SLC36A3: variants seen among roughly 807,000 people sequenced by gnomAD.
SLC36A3 encodes the protein solute carrier family 36 member 3.
SLC36A3 carries 35 observed loss-of-function variants against 44.3 expected under a neutral mutation model. The observed-to-expected ratio is 0.79, with a 90% CI of 0.60 to 1.05. The LOEUF (loss-of-function observed/expected upper bound fraction) is 1.05. Among genes scored for constraint, SLC36A3 ranks in the 50% least tolerant of loss-of-function variants. The pLI, the probability that SLC36A3 is intolerant of heterozygous loss-of-function variation, is 0.00. For missense variants in SLC36A3, 540 were observed against 578.7 expected, an observed-to-expected ratio of 0.93 and a Z score of 0.69; for synonymous variants, 211 against 227.6, an observed-to-expected ratio of 0.93 and a Z score of 0.66.
Position 151,277,677 on chromosome 5 carries a change from A to T in SLC36A3, c.1145-16T>A. 1.2e-6 allele frequency: 2 copies of T among 1,611,076 alleles called. No individual in the cohort carries two copies. The highest frequency in any genetic ancestry group is 1.7e-6 in the Non-Finnish European group (2 of 1,178,488). ...GCTGAGACACCTGCAATGAAAGGAG[A>T]TATTTAGAATCACTGAATGTGCTCA... On this transcript the variant is annotated splice_polypyrimidine_tract_variant and intron_variant, in intron 9 of 9. Coordinates refer to ENST00000335230, the MANE Select transcript of SLC36A3 (RefSeq NM_181774.4).
At chr5:151,297,518 A>G (rs1166713302) in intron 2 of SLC36A3, 2 of 152,198 alleles carry the variant, frequency 1.3e-5, no homozygotes, top group South Asian at 2.1e-4. Flanking sequence ...ATGGAATTAT[A>G]TATTTGGTAT....
intron 1 of SLC36A3, among the ~76,000 whole-genome samples, chr5:151,302,374 A>T (rs2127275604): frequency 6.6e-6 from 1 of 152,344 alleles, no homozygotes; most frequent in African/African-American, 2.4e-5. Flanking sequence ...AGTGTGATTG[A>T]CAGTAAGTCC....
At position 151,298,556 on chromosome 5, in the gene SLC36A3, G is replaced by T. The variant is rs376204421; in HGVS notation, c.219+37C>A. On this transcript the variant is annotated intron_variant, in intron 2 of 9. Coordinates refer to ENST00000335230, the MANE Select transcript of SLC36A3 (RefSeq NM_181774.4). The stretch of plus-strand genomic sequence containing the variant: ...GGACCTATCACCCCCTTCTGCAAAT[G>T]AGCAAACCTAGTTCCCATCCCACAG... 15 of 1,606,154 alleles carry T rather than the reference G, an allele frequency of 9.3e-6. No individual in the cohort carries two copies. In the African/African-American group the frequency reaches 1.9e-4, roughly 20 times the overall value.
chr5:151,294,916 A>C (rs767083692), intron 3 of SLC36A3, among the ~76,000 whole-genome samples: 3 of 152,180 alleles, frequency 2.0e-5, no homozygotes, highest in Non-Finnish European at 4.4e-5. Context: ...GGTGTGAGCC[A>C]CTGCACCCGG....
chr5:151,283,548 CTCA>C (rs1754408121), intron 8 of SLC36A3, among the ~76,000 whole-genome samples: 1 of 152,176 alleles, frequency 6.6e-6, no homozygotes, highest in Non-Finnish European at 1.5e-5. Context: ...CATTTATTGT[CTCA>C]TCTAGTCATT....
chr5:151,298,356 T>G (rs1580825613), intron 2 of SLC36A3: 1 of 474,490 alleles, frequency 2.1e-6, no homozygotes, highest in East Asian at 3.5e-5. Context: ...CGGGGAGAAT[T>G]GTGGCAAAGT....
At chr5:151,294,057 C>T (rs1754862040) in intron 3 of SLC36A3, among the ~76,000 whole-genome samples, 1 of 152,216 alleles carries the variant, frequency 6.6e-6, no homozygotes, top group Non-Finnish European at 1.5e-5. Flanking sequence ...GGAAGCACGG[C>T]ATAAATTGCA....
In SLC36A3 at chr5:151,284,148, C is replaced by A. The variant is rs771039061; in HGVS notation, c.870G>T (p.Gly290=). The stretch of plus-strand genomic sequence containing the variant: ...TATAGAGGATGATGACAATGGACAT[C>A]CCCAAGTACAGAACAAAAGAAAACT... The part of the protein sequence containing the change: ...PQQFSFVLYL[G]MSIVIILYIL... Residue 290 remains glycine, a synonymous_variant, in exon 8 of 10, where the codon GGG becomes GGT. Transcript: ENST00000335230. 1.9e-6 allele frequency: 3 copies of A among 1,613,930 alleles called. No homozygotes were observed. The highest frequency in any genetic ancestry group is 1.7e-5 in the Admixed American group (1 of 59,982).
At chr5:151,299,262 CTCTATATATATATATA>C (rs1174537530) in intron 1 of SLC36A3, among the ~76,000 whole-genome samples, 1,407 of 64,418 alleles carry the variant, frequency 0.022, 15 homozygotes, top group Non-Finnish European at 0.028. Context: ...CTCTCTCTCT[CTCTATATATATATATA>C]TATATATATA....
intron 1 of SLC36A3, 59 bp from the exon 2 acceptor site, chr5:151,298,742 G>C: frequency 1.3e-6 from 2 of 1,567,888 alleles, no homozygotes; most frequent in Middle Eastern, 3.4e-4. Flanking sequence ...AGCATGGCCA[G>C]AAACTCAGCC....
chr5:151,286,367 A>G (rs944067290), intron 6 of SLC36A3, among the ~76,000 whole-genome samples: 12 of 152,190 alleles, frequency 7.9e-5, no homozygotes, highest in African/African-American at 2.7e-4. Flanking sequence ...ATCATAGCTT[A>G]CTGTAGCCTT....
At chr5:151,293,291 C>A in intron 4 of SLC36A3, 73 bp downstream of exon 4, 3 of 1,295,114 alleles carry the variant, frequency 2.3e-6, no homozygotes, top group South Asian at 1.4e-5. Flanking sequence ...CATTTAAAAC[C>A]TGTGTAAGTA....
intron 1 of SLC36A3, among the ~76,000 whole-genome samples, chr5:151,302,857 G>A (rs1056899720): frequency 2.0e-5 from 3 of 151,924 alleles, no homozygotes; most frequent in Non-Finnish European, 4.4e-5. Context: ...GGCATGGGGG[G>A]TTGGGGAGAA....
rs1157592133 is a variant in SLC36A3 at position 151,277,297 on chromosome 5, T to C, written c.*96A>G. On this transcript the variant is annotated 3_prime_UTR_variant, in exon 10 of 10. Coordinates refer to ENST00000335230, the MANE Select transcript of SLC36A3 (RefSeq NM_181774.4). ...AAGATAAAGACGCCACTAATTAATATAGAGATGTTGGGATTTGATGAAGGT... is the reference window on the plus strand; with the variant it reads ...AAGATAAAGACGCCACTAATTAATACAGAGATGTTGGGATTTGATGAAGGT... 5.5e-6 allele frequency: 8 copies of C among 1,466,364 alleles called. No homozygotes were observed. Among genetic ancestry groups the C allele is most frequent in the Non-Finnish European group, 7.5e-6 (8 of 1,073,780 alleles). 90.8% of individuals were successfully genotyped at this position (1,466,364 alleles called of 1,614,324 possible). A position where few individuals can be genotyped will look rare whatever the true frequency, so the allele number is the denominator to read the frequency against.
chr5:151,291,523 A>C (rs1037649725), intron 4 of SLC36A3, among the ~76,000 whole-genome samples: 1 of 151,698 alleles, frequency 6.6e-6, no homozygotes, highest in Non-Finnish European at 1.5e-5. Context: ...TATTTTTTCT[A>C]TTTGGTTGGT....
rs772406946 is a variant in SLC36A3 at position 151,293,355 on chromosome 5, GACT to G, written c.404+6_404+8del. ...TTGTTGTTACTACTACAACATCTGT[GACT>G]ACTACCTTCCCCACACTGCATGGGC... On this transcript the variant is annotated splice_donor_region_variant and intron_variant, in intron 4 of 9. Transcript: ENST00000335230. 2.5e-5 allele frequency: 40 copies of G among 1,607,506 alleles called. No individual in the cohort carries two copies. Among genetic ancestry groups the G allele is most frequent in the Non-Finnish European group, 3.4e-5 (40 of 1,176,102 alleles).
Position 151,303,765 on chromosome 5 carries a change from T to A in SLC36A3, c.-411A>T, listed in dbSNP as rs73280067. 4,064 of 160,490 alleles carry A rather than the reference T, an allele frequency of 0.025. 173 individuals are homozygous for A. Among genetic ancestry groups the A allele is most frequent in the African/African-American group, 0.09 (3,767 of 41,850 alleles). 9.9% of individuals were successfully genotyped at this position (160,490 alleles called of 1,614,324 possible). A position where few individuals can be genotyped will look rare whatever the true frequency, so the allele number is the denominator to read the frequency against. The stretch of plus-strand genomic sequence containing the variant: ...CTGGTGCCTGGACGTGGGGCCAGGC[T>A]CAGTGCTTGTCTGTCTTTGGCAAGG... On this transcript the variant is annotated 5_prime_UTR_variant, in exon 1 of 10. Transcript: ENST00000335230.
intron 1 of SLC36A3, among the ~76,000 whole-genome samples, chr5:151,302,681 G>A (rs1056641501): frequency 1.3e-5 from 2 of 151,912 alleles, no homozygotes; most frequent in African/African-American, 4.8e-5. Flanking sequence ...TATGACACAC[G>A]TTTACCTATG....
rs752481646 is a variant in SLC36A3 at position 151,281,075 on chromosome 5, C to T, written c.1083G>A (p.Val361=). Residue 361 remains valine (V), a synonymous_variant, in exon 9 of 10, where the codon GTG becomes GTA. Coordinates refer to ENST00000335230, the MANE Select transcript of SLC36A3 (RefSeq NM_181774.4). ...CTACAAACAGTGCCCAGCTCTCTGACACTTGGGAGATGGCAAACGGGATGA... is the reference window on the plus strand; with the variant it reads ...CTACAAACAGTGCCCAGCTCTCTGATACTTGGGAGATGGCAAACGGGATGA... ...EIIIPFAISQ[V]SESWALFVDL... The T allele has an allele frequency of 1.2e-6, 2 of 1,614,190 alleles. No individual in the cohort carries two copies. The highest frequency in any genetic ancestry group is 2.2e-5 in the South Asian group (2 of 91,086).
Sources: gnomAD v4.1 joint callset for allele counts (sites outside exome capture counted in the v4.1 genomes callset) on GRCh38, gnomAD v4.1.1 for gene constraint, MANE v1.5 for transcripts, NCBI Gene and HGNC (gene_info 2026-07-23, HGNC 2026-07-21) for gene names.